FAM222B: variants seen among roughly 807,000 people sequenced by gnomAD.
FAM222B encodes the protein protein FAM222B.
FAM222B carries 12 observed loss-of-function variants against 38.0 expected under a neutral mutation model. The observed-to-expected ratio is 0.32, with a 90% CI of 0.20 to 0.51. The LOEUF is 0.51. Ranked by LOEUF, FAM222B falls within the 20% of genes least tolerant of loss-of-function variation. The probability of loss-of-function intolerance (pLI) is 0.97; values close to 1 mark genes in which losing one functional copy is unlikely to be tolerated. For synonymous variants in FAM222B, 329 were observed against 317.2 expected, an observed-to-expected ratio of 1.04 and a Z score of -0.40; for missense variants, 716 against 754.2, an observed-to-expected ratio of 0.95 and a Z score of 0.59.
Position 28,758,583 on chromosome 17 carries a change from G to C in FAM222B, c.1376C>G (p.Pro459Arg). 2 of 1,610,562 alleles carry C rather than the reference G, an allele frequency of 1.2e-6. No homozygotes were observed. Among genetic ancestry groups the C allele is most frequent in the Non-Finnish European group, 1.7e-6 (2 of 1,179,856 alleles). ...CCCCGAGCTGTCGCTATTGGGAGTG[G>C]GCAGAATGTTGTTCCACAGGGGTTG... ...YFQPLWNNIL[P>R]TPNSDSSGSQ... Residue 459 changes from proline to arginine, a missense_variant, in exon 3 of 3, where the codon CCC (proline) becomes CGC (arginine). Pro to Arg is a moderately radical substitution (Grantham distance 103, BLOSUM62 -2). Coordinates refer to ENST00000581407, the MANE Select transcript of FAM222B (RefSeq NM_001077498.3).
At chr17:28,801,774 A>C (rs1241789587) in intron 1 of FAM222B, among the ~76,000 whole-genome samples, 1 of 152,086 alleles carries the variant, frequency 6.6e-6, no homozygotes, top group Admixed American at 6.6e-5. Context: ...CTTTCCTTTT[A>C]AAGTAGATTA....
chr17:28,778,719 ATTTT>A (rs59098589), intron 1 of FAM222B, among the ~76,000 whole-genome samples: 28 of 25,486 alleles, frequency 1.1e-3, no homozygotes, highest in African/African-American at 2.9e-3. Flanking sequence ...ATATATATAT[ATTTT>A]TTTTTTTTTT....
At chr17:28,828,935 C>T (rs996888789) in intron 1 of FAM222B, among the ~76,000 whole-genome samples, 3 of 151,760 alleles carry the variant, frequency 2.0e-5, no homozygotes, top group African/African-American at 7.3e-5. Context: ...GACGGAGTCT[C>T]GCTCTATCAC....
rs1384678163 is a variant in FAM222B at position 28,759,171 on chromosome 17, G to A, written c.788C>T (p.Pro263Leu). ...MAATLQHSQP[P>L]DLSSIVHQIN... is the part of the protein sequence containing the mutation. Reference sequence around the variant, plus strand: ...CTGGTGCACGATGCTACTCAGGTCCGGAGGCTGGCTGTGCTGCAGAGTGGC... The same window carrying A: ...CTGGTGCACGATGCTACTCAGGTCCAGAGGCTGGCTGTGCTGCAGAGTGGC... The change falls in exon 3 of 3, where the codon CCG becomes CTG. Residue 263 changes from proline to leucine, a missense_variant. Coordinates refer to ENST00000581407, the MANE Select transcript of FAM222B (RefSeq NM_001077498.3). The surrounding 1 kb of genome is among the most constrained non-coding windows in gnomAD (Gnocchi z 4.8). 2.5e-6 allele frequency: 4 copies of A among 1,612,800 alleles called. No individual in the cohort carries two copies. Among genetic ancestry groups the A allele is most frequent in the East Asian group, 2.2e-5 (1 of 44,856 alleles).
chr17:28,801,095 T>TGC (rs1315011876), intron 1 of FAM222B, among the ~76,000 whole-genome samples: 1 of 146,928 alleles, frequency 6.8e-6, no homozygotes, highest in African/African-American at 2.5e-5. Flanking sequence ...AGGTGGAGGT[T>TGC]AAAGTGAGCC....
At chr17:28,774,985 A>G (rs2035814817) in intron 1 of FAM222B, among the ~76,000 whole-genome samples, 2 of 143,184 alleles carry the variant, frequency 1.4e-5, no homozygotes, top group Non-Finnish European at 3.0e-5. Context: ...TAAAACAAAC[A>G]AAAAAAATCT....
chr17:28,775,354 G>T (rs1047394146), intron 1 of FAM222B, among the ~76,000 whole-genome samples: 10 of 151,344 alleles, frequency 6.6e-5, no homozygotes, highest in African/African-American at 2.4e-4. Context: ...GGGAATGGGG[G>T]ATAAAGTGAT....
chr17:28,823,295 A>G (rs1450980211), intron 1 of FAM222B, among the ~76,000 whole-genome samples: 1 of 151,864 alleles, frequency 6.6e-6, no homozygotes, highest in Non-Finnish European at 1.5e-5. Context: ...AGGTTGTCAA[A>G]TCCTGTGAGT....
At chr17:28,813,734 G>T (rs1398875114) in intron 1 of FAM222B, among the ~76,000 whole-genome samples, 2 of 149,784 alleles carry the variant, frequency 1.3e-5, no homozygotes, top group Non-Finnish European at 3.0e-5. Context: ...TTTTAGTAGA[G>T]ACGGGGTTTC....
At chr17:28,788,592 A>T (rs1003765288) in intron 1 of FAM222B, among the ~76,000 whole-genome samples, 12 of 152,126 alleles carry the variant, frequency 7.9e-5, no homozygotes, top group Admixed American at 2.0e-4. Context: ...TCAAATATGC[A>T]TCTTATACTA....
At chr17:28,826,149 A>C (rs891745819) in intron 1 of FAM222B, among the ~76,000 whole-genome samples, 1 of 151,694 alleles carries the variant, frequency 6.6e-6, no homozygotes, top group Non-Finnish European at 1.5e-5. Context: ...GGCTCCCTGC[A>C]ACCTCTGCCT....
chr17:28,835,473 C>G (rs2038812084), intron 1 of FAM222B, among the ~76,000 whole-genome samples: 1 of 152,048 alleles, frequency 6.6e-6, no homozygotes, highest in Non-Finnish European at 1.5e-5. Context: ...AACATTTTTT[C>G]AATGAGGCCA....
Position 28,758,013 on chromosome 17 carries a change from G to C in FAM222B, c.*257C>G, listed in dbSNP as rs924891914. 2.6e-6 allele frequency: 1 copy of C among 388,000 alleles called. No homozygotes were observed. Among genetic ancestry groups the C allele is most frequent in the Non-Finnish European group, 4.6e-6 (1 of 216,400 alleles). 24.0% of individuals were successfully genotyped at this position (388,000 alleles called of 1,614,324 possible). ...GCTGGCTGGAAATGGCCAAGGTGGA[G>C]AGACTAGCTGACAGGCAGTCAGTGG... On this transcript the variant is annotated 3_prime_UTR_variant, in exon 3 of 3. Coordinates refer to ENST00000581407, the MANE Select transcript of FAM222B (RefSeq NM_001077498.3).
intron 1 of FAM222B, among the ~76,000 whole-genome samples, chr17:28,800,853 G>GA (rs534314851): frequency 0.58 from 64,375 of 110,900 alleles, 17,988 homozygotes; most frequent in Non-Finnish European, 0.66. Flanking sequence ...ACATTTTGTT[G>GA]AAAAAAAAAA....
chr17:28,793,602 A>G (rs1031330309), intron 1 of FAM222B, among the ~76,000 whole-genome samples: 3 of 152,114 alleles, frequency 2.0e-5, no homozygotes, highest in African/African-American at 7.2e-5. Context: ...ATTGTTAGTG[A>G]GGCCTGGGAA....
At chr17:28,822,297 G>A (rs1310772051) in intron 1 of FAM222B, among the ~76,000 whole-genome samples, 2 of 149,874 alleles carry the variant, frequency 1.3e-5, no homozygotes, top group African/African-American at 4.9e-5. Flanking sequence ...GGGATTACAG[G>A]CATGAGCCAC....
chr17:28,778,309 A>T (rs1377464811), intron 1 of FAM222B, among the ~76,000 whole-genome samples: 1 of 151,350 alleles, frequency 6.6e-6, no homozygotes, highest in Non-Finnish European at 1.5e-5. Flanking sequence ...ATGTGTTCTC[A>T]CTGTTCAGCT....
At chr17:28,765,745 C>G (rs1463644388) in intron 2 of FAM222B, among the ~76,000 whole-genome samples, 2 of 152,166 alleles carry the variant, frequency 1.3e-5, no homozygotes, top group Non-Finnish European at 2.9e-5. Context: ...AAGAATCTAA[C>G]AGTTTTCAAA....
intron 2 of FAM222B, among the ~76,000 whole-genome samples, chr17:28,763,187 T>C (rs941395359): frequency 6.6e-6 from 1 of 152,206 alleles, no homozygotes; most frequent in African/African-American, 2.4e-5. Context: ...GCTTCATCAT[T>C]TGCCCATACT....
Sources: gnomAD v4.1 joint callset for allele counts (sites outside exome capture counted in the v4.1 genomes callset) on GRCh38, gnomAD v4.1.1 for gene constraint, Gnocchi (gnomAD v3.1) non-coding constraint, MANE v1.5 for transcripts, NCBI Gene and HGNC (gene_info 2026-07-23, HGNC 2026-07-21) for gene names.